SETBP1: variants seen among roughly 807,000 people sequenced by gnomAD.
The protein encoded by SETBP1 is SET-binding protein.
A neutral mutation model predicts 101.0 loss-of-function variants in SETBP1; 9 were observed. That is an observed-to-expected ratio of 0.09 (90% CI 0.05 to 0.16). The LOEUF (loss-of-function observed/expected upper bound fraction) is 0.16, where lower values mean the gene tolerates loss of function less well. Ranked by LOEUF, SETBP1 falls within the 10% of genes least tolerant of loss-of-function variation. The pLI, the probability that SETBP1 is intolerant of heterozygous loss-of-function variation, is 1.00. For missense variants in SETBP1, 1,858 were observed against 2,033.8 expected, an observed-to-expected ratio of 0.91 and a Z score of 1.66; for synonymous variants, 818 against 788.5, an observed-to-expected ratio of 1.04 and a Z score of -0.63.
chr18:44,944,258 G>A (rs1260430374), intron 3 of SETBP1, among the ~76,000 whole-genome samples: 2 of 152,210 alleles, frequency 1.3e-5, no homozygotes, highest in Non-Finnish European at 1.5e-5. Flanking sequence ...AGTTCAGAGA[G>A]CAAAACAGGA....
rs769389920 is a variant in SETBP1, at chr18:44,953,210, G to A, written c.3870G>A (p.Lys1290=). Residue 1290 remains lysine (K), a synonymous_variant, in exon 4 of 6, where the codon AAG becomes AAA. Transcript: ENST00000649279. ...GTGAAATGAACCCTTCGAATGACAAGTGGGACAGTGACGTGAGTGGGAGTA... is the reference window on the plus strand; with the variant it reads ...GTGAAATGAACCCTTCGAATGACAAATGGGACAGTGACGTGAGTGGGAGTA... The part of the protein sequence containing the change: ...VFSEMNPSND[K]WDSDVSGSKR... The A allele has an allele frequency of 6.2e-7, 1 of 1,614,156 alleles. No individual in the cohort carries two copies.
At chr18:45,010,659 T>G (rs780804154) in intron 4 of SETBP1, among the ~76,000 whole-genome samples, 12 of 152,240 alleles carry the variant, frequency 7.9e-5, no homozygotes, top group Non-Finnish European at 1.3e-4. Flanking sequence ...CCTCTTAATT[T>G]ACAACTAACT....
chr18:44,994,911 A>G (rs1041665000), intron 4 of SETBP1, among the ~76,000 whole-genome samples: 2 of 152,172 alleles, frequency 1.3e-5, no homozygotes, highest in Non-Finnish European at 2.9e-5. Context: ...AAGGATTTCC[A>G]GCCAAGGGAG....
chr18:44,885,161 G>A (rs1023222397), intron 3 of SETBP1, among the ~76,000 whole-genome samples: 1 of 152,108 alleles, frequency 6.6e-6, no homozygotes, highest in Non-Finnish European at 1.5e-5. Context: ...TTACCTGGCT[G>A]ACTCTAAGAA....
intron 3 of SETBP1, 23 bp from the exon 4 acceptor site, chr18:44,949,858 C>G (rs780042703): frequency 1.3e-5 from 21 of 1,575,452 alleles, no homozygotes; most frequent in Non-Finnish European, 1.8e-5. Flanking sequence ...GTCTCTCTCC[C>G]TCTCCACTCC....
chr18:44,836,900 G>A (rs2072507712), intron 2 of SETBP1, among the ~76,000 whole-genome samples: 1 of 152,142 alleles, frequency 6.6e-6, no homozygotes, highest in African/African-American at 2.4e-5. Context: ...TGCAGTTTTG[G>A]GGCCCTGTCA....
At chr18:44,975,148 C>G (rs550657290) in intron 4 of SETBP1, among the ~76,000 whole-genome samples, 22 of 152,162 alleles carry the variant, frequency 1.4e-4, no homozygotes, top group Non-Finnish European at 2.9e-5. Flanking sequence ...TTTTAATGTT[C>G]GCACTTCTCT....
chr18:44,733,133 G>T (rs546051159), intron 2 of SETBP1: 5 of 152,344 alleles, frequency 3.3e-5, no homozygotes, highest in African/African-American at 1.2e-4. Flanking sequence ...CTCACAAGTG[G>T]CTCCCTCTGA....
At chr18:44,763,248 TA>T (rs1434832928) in intron 2 of SETBP1, among the ~76,000 whole-genome samples, 2 of 152,156 alleles carry the variant, frequency 1.3e-5, no homozygotes, top group Non-Finnish European at 2.9e-5. Flanking sequence ...TATGAAATAG[TA>T]GGTCATAGAA....
chr18:44,719,123 T>C (rs1408923600), intron 2 of SETBP1, among the ~76,000 whole-genome samples: 1 of 152,076 alleles, frequency 6.6e-6, no homozygotes, highest in Non-Finnish European at 1.5e-5. Flanking sequence ...AATAGTAAGC[T>C]TGACAAGAAA....
At chr18:44,812,429 G>A (rs369265493) in intron 2 of SETBP1, among the ~76,000 whole-genome samples, 19 of 152,250 alleles carry the variant, frequency 1.2e-4, no homozygotes, top group East Asian at 5.8e-4. Flanking sequence ...TGTCAGGGCC[G>A]TAAAATAGCC....
intron 2 of SETBP1, among the ~76,000 whole-genome samples, chr18:44,780,203 T>A (rs894338050): frequency 2.0e-5 from 3 of 152,064 alleles, no homozygotes; most frequent in Non-Finnish European, 4.4e-5. Context: ...GTGCCCCAAA[T>A]CCCCAAGGTT....
chr18:44,899,148 A>T (rs764067400), intron 3 of SETBP1, among the ~76,000 whole-genome samples: 1 of 152,282 alleles, frequency 6.6e-6, no homozygotes, highest in Admixed American at 6.5e-5. Context: ...AATTCCTTCA[A>T]TGTCTTTCTA....
At chr18:44,847,885 G>T (rs969144536) in intron 2 of SETBP1, among the ~76,000 whole-genome samples, 1 of 152,170 alleles carries the variant, frequency 6.6e-6, no homozygotes, top group Non-Finnish European at 1.5e-5. Context: ...GTCATGACCT[G>T]CATGAAGTTA....
chr18:44,837,802 A>T (rs1221763509), intron 2 of SETBP1, among the ~76,000 whole-genome samples: 1 of 152,172 alleles, frequency 6.6e-6, no homozygotes. Context: ...TATCCATATC[A>T]ATTCCAGGGC....
At chr18:44,928,392 A>G (rs1483673914) in intron 3 of SETBP1, among the ~76,000 whole-genome samples, 2 of 152,206 alleles carry the variant, frequency 1.3e-5, no homozygotes, top group Admixed American at 6.5e-5. Flanking sequence ...ATAAACATAC[A>G]TGTGCATGTG....
intron 4 of SETBP1, among the ~76,000 whole-genome samples, chr18:45,017,335 T>A (rs971876133): frequency 6.6e-5 from 10 of 152,090 alleles, no homozygotes; most frequent in Non-Finnish European, 1.0e-4. Flanking sequence ...ATGGCCAACA[T>A]AGGGCAAAAC....
chr18:44,972,871 C>G (rs537584605), intron 4 of SETBP1, among the ~76,000 whole-genome samples: 1 of 152,102 alleles, frequency 6.6e-6, no homozygotes, highest in East Asian at 1.9e-4. Flanking sequence ...CCTTTATTTC[C>G]TTTTCCTGAC....
chr18:44,752,411 C>G (rs981400962), intron 2 of SETBP1, among the ~76,000 whole-genome samples: 2 of 152,154 alleles, frequency 1.3e-5, no homozygotes, highest in African/African-American at 4.8e-5. Flanking sequence ...AGGCAGGCAA[C>G]AGGAACGCTT....
Sources: allele counts gnomAD v4.1 joint callset (sites outside exome capture counted in the v4.1 genomes callset), GRCh38; gene constraint gnomAD v4.1.1; transcripts MANE v1.5; gene names NCBI Gene and HGNC (gene_info 2026-07-23, HGNC 2026-07-21).